Variants in PCDHGA8 observed in about 807,000 individuals in gnomAD.
PCDHGA8 encodes the protein protocadherin gamma-A8.
Under a neutral mutation model 59.2 loss-of-function variants are expected in PCDHGA8, and 45 were observed. The observed-to-expected ratio is 0.76, with a 90% CI of 0.60 to 0.98. The LOEUF is 0.98. PCDHGA8 is among the 50% of genes least tolerant of loss of function. The probability of loss-of-function intolerance (pLI) is 0.00; values close to 1 mark genes in which losing one functional copy is unlikely to be tolerated. For synonymous variants in PCDHGA8, 531 were observed against 519.0 expected (o/e 1.02, Z -0.32); for missense variants, 1,257 against 1,196.2 (o/e 1.05, Z -0.75).
intron 1 of PCDHGA8, chr5:141,484,946 C>T (rs2154580274): frequency 3.6e-6 from 2 of 561,448 alleles, no homozygotes; most frequent in Non-Finnish European, 6.4e-6. Flanking sequence ...CTCTGCTCAG[C>T]CTATTGGCTG....
intron 1 of PCDHGA8, among the ~76,000 whole-genome samples, chr5:141,401,385 T>A (rs965055223): frequency 6.6e-6 from 1 of 152,182 alleles, no homozygotes; most frequent in Non-Finnish European, 1.5e-5. Flanking sequence ...AGAAAAATAC[T>A]ACATGTTATG....
Position 141,487,007 on chromosome 5 carries a change from G to C in PCDHGA8, c.2425-7800G>C, listed in dbSNP as rs563548715. On this transcript the variant is annotated intron_variant, in intron 1 of 3. Transcript: ENST00000398604. This position sits in a 1 kb window ranked among gnomAD's most constrained non-coding sequence, Gnocchi z 5.0. ...TGCTTGGGTTTCCTATCAGCTCCTG[G>C]AGGCCCCAGATCCCAGCCTGTTTGC... The C allele has an allele frequency of 6.2e-7, 1 of 1,614,206 alleles. No individual in the cohort carries two copies. Among genetic ancestry groups the C allele is most frequent in the Non-Finnish European group, 8.5e-7 (1 of 1,180,042 alleles).
chr5:141,401,765 G>C (rs2094191872), intron 1 of PCDHGA8, among the ~76,000 whole-genome samples: 1 of 152,138 alleles, frequency 6.6e-6, no homozygotes. Context: ...CATGGTATAA[G>C]TCTTTTGCTT....
chr5:141,422,349 T>G, intron 1 of PCDHGA8: 1 of 1,554,722 alleles, frequency 6.4e-7, no homozygotes, highest in South Asian at 1.3e-5. Flanking sequence ...ATGTGCAAGA[T>G]CAAGATTCTG....
At chr5:141,433,273 A>T in intron 1 of PCDHGA8, 1 of 1,258,988 alleles carries the variant, frequency 7.9e-7, no homozygotes. Flanking sequence ...AGCTCACTGC[A>T]GCCTCAAACT....
At position 141,395,542 on chromosome 5, in the gene PCDHGA8, T is replaced by TTG. The variant is rs55729045; in HGVS notation, c.2424+353_2424+354dup. On this transcript the variant is annotated intron_variant, in intron 1 of 3. Transcript: ENST00000398604. ...TCCATACTGGTAATTTTGCTATTGT[T>TTG]TGTGTGTGTGTGTGTGTGTGTGTGT... 1.5e-3 allele frequency: 267 copies of TTG among 172,614 alleles called. 1 individual carries two copies. The highest frequency in any genetic ancestry group is 2.3e-3 in the African/African-American group (40 of 17,550). The allele number at this position is 172,614 out of a possible 1,614,324, so 10.7% of individuals were successfully genotyped here.
Position 141,486,567 on chromosome 5 carries a change from C to T in PCDHGA8, c.2425-8240C>T, listed in dbSNP as rs1562113360. On this transcript the variant is annotated intron_variant, in intron 1 of 3. Transcript: ENST00000398604. The surrounding 1 kb of genome is among the most constrained non-coding windows in gnomAD (Gnocchi z 5.0). ...CAGAGGTCACATGAGGTGTTTGTTCCTGAGAACAATCGCCCAGGGGACCTG... is the reference window on the plus strand; with the variant it reads ...CAGAGGTCACATGAGGTGTTTGTTCTTGAGAACAATCGCCCAGGGGACCTG... The T allele has an allele frequency of 6.2e-7, 1 of 1,613,918 alleles. No homozygotes were observed. The highest frequency in any genetic ancestry group is 8.5e-7 in the Non-Finnish European group (1 of 1,179,986).
At chr5:141,398,657 G>C in intron 1 of PCDHGA8, 1 of 1,614,018 alleles carries the variant, frequency 6.2e-7, no homozygotes, top group African/African-American at 1.3e-5. Flanking sequence ...CTTAACCCAA[G>C]TTTCTCATTA....
intron 1 of PCDHGA8, among the ~76,000 whole-genome samples, chr5:141,488,839 G>A (rs954244872): frequency 2.6e-5 from 4 of 152,206 alleles, no homozygotes; most frequent in African/African-American, 9.6e-5. Flanking sequence ...CAAGGGGGCT[G>A]AATCAACCTG....
At chr5:141,494,783 C>G (rs2099756910) in intron 1 of PCDHGA8, 24 bp from the exon 2 acceptor site, 2 of 1,613,964 alleles carry the variant, frequency 1.2e-6, no homozygotes, top group Admixed American at 3.3e-5. Context: ...GTACTCAGCC[C>G]CTTTCCCTCT....
chr5:141,404,350 C>T (rs757103755), intron 1 of PCDHGA8: 1 of 1,613,894 alleles, frequency 6.2e-7, no homozygotes, highest in Non-Finnish European at 8.5e-7. Flanking sequence ...AAAACAACGC[C>T]AGAGGTACTT....
At chr5:141,463,738 G>C (rs1002263384) in intron 1 of PCDHGA8, among the ~76,000 whole-genome samples, 1 of 151,978 alleles carries the variant, frequency 6.6e-6, no homozygotes, top group East Asian at 1.9e-4. Flanking sequence ...GAGCCACCGC[G>C]CCCGGCCTGC....
chr5:141,395,547 TGTGTGTGTG>T (rs754815609), intron 1 of PCDHGA8: 25,854 of 174,180 alleles, frequency 0.15, 2,316 homozygotes, highest in South Asian at 0.18. Flanking sequence ...ATTGTTTGTG[TGTGTGTGTG>T]TGTGTGTGTG....
In PCDHGA8 at chr5:141,489,423, C is replaced by A. The variant is rs754178145; in HGVS notation, c.2425-5384C>A. 7.4e-6 allele frequency: 12 copies of A among 1,613,982 alleles called. No homozygotes were observed. Among genetic ancestry groups the A allele is most frequent in the Non-Finnish European group, 1.0e-5 (12 of 1,180,044 alleles). On this transcript the variant is annotated intron_variant, in intron 1 of 3. Transcript: ENST00000398604. The surrounding 1 kb of genome is among the most constrained non-coding windows in gnomAD (Gnocchi z 4.5). Reference sequence around the variant, plus strand: ...GCTTAAAGATGACAGATCTGTTGAGCCGGCGGCTGCAATTGGGCTCTGAGG... The same window carrying A: ...GCTTAAAGATGACAGATCTGTTGAGACGGCGGCTGCAATTGGGCTCTGAGG...
chr5:141,497,217 G>A (rs1046945884), intron 2 of PCDHGA8, among the ~76,000 whole-genome samples: 1 of 152,066 alleles, frequency 6.6e-6, no homozygotes, highest in African/African-American at 2.4e-5. Flanking sequence ...AATGGGGGGG[G>A]GAAGATCAGA....
Position 141,486,200 on chromosome 5 carries a change from G to A in PCDHGA8, c.2425-8607G>A, listed in dbSNP as rs764874531. The stretch of plus-strand genomic sequence containing the variant: ...CAGCCTTCGAGTGGATCTGCTGGAC[G>A]TAAATGACAATGCCCCTTACATCAC... On this transcript the variant is annotated intron_variant, in intron 1 of 3. Transcript: ENST00000398604. The surrounding 1 kb of genome is among the most constrained non-coding windows in gnomAD (Gnocchi z 5.0). The A allele has an allele frequency of 2.0e-5, 32 of 1,614,096 alleles. No homozygotes were observed. Among genetic ancestry groups the A allele is most frequent in the Non-Finnish European group, 2.3e-5 (27 of 1,180,040 alleles).
intron 1 of PCDHGA8, chr5:141,417,772 C>G: frequency 6.9e-7 from 1 of 1,456,320 alleles, no homozygotes; most frequent in East Asian, 2.5e-5. Context: ...GGGACTCCTC[C>G]TGTCCTGGGC....
intron 1 of PCDHGA8, chr5:141,471,535 T>C (rs553186728): frequency 6.6e-6 from 1 of 152,368 alleles, no homozygotes; most frequent in African/African-American, 2.4e-5. Context: ...GAAGCTATGA[T>C]AGCATTTAAG....
chr5:141,412,963 G>T, intron 1 of PCDHGA8: 1 of 518,228 alleles, frequency 1.9e-6, no homozygotes, highest in East Asian at 3.1e-5. Context: ...TCACCTACTA[G>T]GAGAGAAAAC....
Sources: allele counts gnomAD v4.1 joint callset (sites outside exome capture counted in the v4.1 genomes callset), GRCh38; gene constraint gnomAD v4.1.1; non-coding constraint Gnocchi (gnomAD v3.1); transcripts MANE v1.5; gene names NCBI Gene and HGNC (gene_info 2026-07-23, HGNC 2026-07-21).